The following GABRB2 variants were observed in gnomAD, a reference collection of about 807,000 sequenced individuals.
GABRB2 encodes gamma-aminobutyric acid type A receptor subunit beta2, also known as gamma-aminobutyric acid receptor subunit beta-2.
Under a neutral mutation model 54.7 loss-of-function variants are expected in GABRB2, and 16 were observed. That is an observed-to-expected ratio of 0.29 (90% CI 0.20 to 0.44). The LOEUF (loss-of-function observed/expected upper bound fraction) is 0.44, where lower values mean the gene tolerates loss of function less well. Among genes scored for constraint, GABRB2 ranks in the 20% least tolerant of loss-of-function variants. The probability of loss-of-function intolerance (pLI) is 1.00; values close to 1 mark genes in which losing one functional copy is unlikely to be tolerated. For synonymous variants in GABRB2, 244 were observed against 233.8 expected, an observed-to-expected ratio of 1.04 and a Z score of -0.40; for missense variants, 355 against 644.0, an observed-to-expected ratio of 0.55 and a Z score of 4.86.
chr5:161,540,068 G>C (rs1760764841), intron 3 of GABRB2, among the ~76,000 whole-genome samples: 1 of 152,128 alleles, frequency 6.6e-6, no homozygotes, highest in Non-Finnish European at 1.5e-5. Flanking sequence ...AATGAAGTTT[G>C]CTGTATCAGT....
chr5:161,310,945 A>G (rs1757848444), intron 9 of GABRB2, among the ~76,000 whole-genome samples: 1 of 152,084 alleles, frequency 6.6e-6, no homozygotes, highest in Non-Finnish European at 1.5e-5. Flanking sequence ...TATTTTTAGT[A>G]GAGACGGGGT....
intron 4 of GABRB2, among the ~76,000 whole-genome samples, chr5:161,429,366 A>G (rs895894600): frequency 6.0e-5 from 9 of 149,184 alleles, no homozygotes; most frequent in Non-Finnish European, 1.0e-4. Flanking sequence ...AAAGAAAAAG[A>G]AAAAAAAAGA....
intron 3 of GABRB2, among the ~76,000 whole-genome samples, chr5:161,497,463 G>A (rs1237790254): frequency 2.6e-5 from 4 of 151,950 alleles, no homozygotes; most frequent in Admixed American, 2.0e-4. Context: ...ATAATCATGA[G>A]ATCCCATGGG....
chr5:161,319,649 T>A (rs1308880302), intron 9 of GABRB2, among the ~76,000 whole-genome samples: 2 of 151,586 alleles, frequency 1.3e-5, no homozygotes, highest in African/African-American at 2.4e-5. Context: ...TGAAATATAG[T>A]GTTGGTACCT....
chr5:161,526,801 G>T (rs996461614), intron 3 of GABRB2, among the ~76,000 whole-genome samples: 1 of 151,136 alleles, frequency 6.6e-6, no homozygotes, highest in African/African-American at 2.4e-5. Context: ...AAGACGTATG[G>T]GCACAATTTA....
At chr5:161,545,940 A>G (rs1485151259) in intron 2 of GABRB2, among the ~76,000 whole-genome samples, 1 of 152,118 alleles carries the variant, frequency 6.6e-6, no homozygotes, top group Non-Finnish European at 1.5e-5. Context: ...CCTCTCAACC[A>G]ACTGCCTGCA....
chr5:161,529,277 G>T (rs1428753177), intron 3 of GABRB2, among the ~76,000 whole-genome samples: 6 of 151,860 alleles, frequency 4.0e-5, no homozygotes, highest in Non-Finnish European at 8.8e-5. Context: ...TATTATTTAC[G>T]TTCTATTTGT....
At chr5:161,518,925 A>T (rs911833382) in intron 3 of GABRB2, among the ~76,000 whole-genome samples, 7 of 152,220 alleles carry the variant, frequency 4.6e-5, no homozygotes, top group African/African-American at 1.7e-4. Context: ...ATTAGCTTTT[A>T]AAACAAATCA....
At chr5:161,307,975 C>T (rs1757745180) in intron 9 of GABRB2, among the ~76,000 whole-genome samples, 1 of 151,692 alleles carries the variant, frequency 6.6e-6, no homozygotes, top group Admixed American at 6.6e-5. Context: ...TCTCCTGCCT[C>T]AGCCTCCTGA....
intron 5 of GABRB2, among the ~76,000 whole-genome samples, chr5:161,345,119 C>G (rs182192416): frequency 9.4e-4 from 143 of 152,122 alleles, no homozygotes; most frequent in African/African-American, 3.3e-3. Flanking sequence ...GTGCAGCAAA[C>G]CACCATGGCA....
intron 5 of GABRB2, among the ~76,000 whole-genome samples, chr5:161,338,379 A>C (rs1754053616): frequency 6.6e-6 from 1 of 152,196 alleles, no homozygotes. Flanking sequence ...ACTATATTGA[A>C]ATCAAAATTG....
intron 4 of GABRB2, among the ~76,000 whole-genome samples, chr5:161,455,595 A>G (rs1757930235): frequency 6.7e-6 from 1 of 149,714 alleles, no homozygotes; most frequent in Non-Finnish European, 1.5e-5. Flanking sequence ...CAGTGGCATG[A>G]ATTCGCTCAT....
At chr5:161,336,587 T>C in intron 6 of GABRB2, 45 bp downstream of exon 6, 1 of 1,600,160 alleles carries the variant, frequency 6.2e-7, no homozygotes, top group Non-Finnish European at 8.5e-7. Context: ...TTTAACAAAA[T>C]ACGGTGAAGA....
At chr5:161,498,140 A>T (rs1759314561) in intron 3 of GABRB2, among the ~76,000 whole-genome samples, 1 of 152,164 alleles carries the variant, frequency 6.6e-6, no homozygotes, top group Non-Finnish European at 1.5e-5. Flanking sequence ...TGGATCTTTG[A>T]GTCATGTTTC....
At chr5:161,463,549 TTTTA>T (rs61366834) in intron 3 of GABRB2, among the ~76,000 whole-genome samples, 3,311 of 53,800 alleles carry the variant, frequency 0.062, 263 homozygotes, top group African/African-American at 0.11. Context: ...TTCCAAATAT[TTTTA>T]TTTATATATA....
chr5:161,398,648 C>A (rs886817624), intron 5 of GABRB2, among the ~76,000 whole-genome samples: 1 of 149,152 alleles, frequency 6.7e-6, no homozygotes, highest in Non-Finnish European at 1.5e-5. Context: ...TCCATAGACA[C>A]TGTTTTTTTG....
chr5:161,461,220 G>A (rs530748741), intron 3 of GABRB2, among the ~76,000 whole-genome samples: 2 of 152,126 alleles, frequency 1.3e-5, no homozygotes, highest in African/African-American at 4.8e-5. Flanking sequence ...CAGAAAAGGC[G>A]ACATGTACAC....
At chr5:161,320,870 T>C (rs571535411) in intron 9 of GABRB2, among the ~76,000 whole-genome samples, 1 of 152,160 alleles carries the variant, frequency 6.6e-6, no homozygotes, top group African/African-American at 2.4e-5. Context: ...TTTATCTCTA[T>C]TTCTGACATC....
chr5:161,435,241 G>C (rs1757276120), intron 4 of GABRB2, among the ~76,000 whole-genome samples: 1 of 151,894 alleles, frequency 6.6e-6, no homozygotes, highest in Non-Finnish European at 1.5e-5. Flanking sequence ...GTAAAAAGTT[G>C]GAACACACTT....
Sources: allele counts gnomAD v4.1 joint callset (sites outside exome capture counted in the v4.1 genomes callset), GRCh38; gene constraint gnomAD v4.1.1; transcripts MANE v1.5; gene names NCBI Gene and HGNC (gene_info 2026-07-23, HGNC 2026-07-21).